PCDHA11: variants seen among roughly 807,000 people sequenced by gnomAD.
PCDHA11 encodes the protein protocadherin alpha-11.
A neutral mutation model predicts 70.3 loss-of-function variants in PCDHA11; 61 were observed. The ratio of observed to expected loss-of-function variants is 0.87; its 90% CI spans 0.71 to 1.07. The LOEUF (loss-of-function observed/expected upper bound fraction) is 1.07. Among genes scored for constraint, PCDHA11 ranks in the 50% least tolerant of loss-of-function variants. The probability of loss-of-function intolerance (pLI) is 0.00; values close to 1 mark genes in which losing one functional copy is unlikely to be tolerated. For synonymous variants in PCDHA11, 633 were observed against 555.1 expected, an observed-to-expected ratio of 1.14 and a Z score of -1.97; for missense variants, 1,324 against 1,237.5, an observed-to-expected ratio of 1.07 and a Z score of -1.05.
intron 1 of PCDHA11, among the ~76,000 whole-genome samples, chr5:140,957,658 G>T (rs2095373813): frequency 6.6e-6 from 1 of 151,932 alleles, no homozygotes; most frequent in Non-Finnish European, 1.5e-5. Flanking sequence ...TTCAATCATG[G>T]AGTAAAAATT....
chr5:140,884,123 C>A (rs1360744073), intron 1 of PCDHA11: 4 of 1,613,232 alleles, frequency 2.5e-6, no homozygotes, highest in Non-Finnish European at 3.4e-6. Context: ...GGTCGGCGCG[C>A]GCATCCCGTT....
intron 3 of PCDHA11, among the ~76,000 whole-genome samples, chr5:141,007,371 TG>T (rs2098319446): frequency 7.8e-6 from 1 of 128,740 alleles, no homozygotes. Context: ...GGCAACATGA[TG>T]GAACACCATC....
chr5:140,913,167 T>C (rs1232000053), intron 1 of PCDHA11, among the ~76,000 whole-genome samples: 1 of 152,196 alleles, frequency 6.6e-6, no homozygotes, highest in Non-Finnish European at 1.5e-5. Flanking sequence ...TTGGTATTAG[T>C]TCTTCTTTAA....
rs199940622 is a variant in PCDHA11, at chr5:140,870,517, C to T, written c.1414C>T (p.His472Tyr). ...GAAGGAGAACAACCCACCAGGCTGCCACATCTTCACAGTGTCGGCGCGGGA... is the reference window on the plus strand; with the variant it reads ...GAAGGAGAACAACCCACCAGGCTGCTACATCTTCACAGTGTCGGCGCGGGA... ...FVKENNPPGCHIFTVSARDAD... is the reference protein window; with the variant it reads ...FVKENNPPGCYIFTVSARDAD... The change falls in exon 1 of 4, where the codon CAC becomes TAC. Residue 472 changes from histidine to tyrosine, a missense_variant. By Grantham distance (83) the His-to-Tyr change is moderately conservative (BLOSUM62 2). Coordinates refer to ENST00000398640, the MANE Select transcript of PCDHA11 (RefSeq NM_018902.5). The T allele has an allele frequency of 6.8e-6, 11 of 1,614,224 alleles. No homozygotes were observed. Among genetic ancestry groups the T allele is most frequent in the Non-Finnish European group, 9.3e-6 (11 of 1,180,048 alleles).
At position 141,011,517 on chromosome 5, in the gene PCDHA11, T is replaced by C. The variant is rs1397450262; in HGVS notation, c.*1580T>C. 2.6e-5 allele frequency: 4 copies of C among 153,768 alleles called. No individual in the cohort carries two copies. The highest frequency in any genetic ancestry group is 5.9e-5 in the Non-Finnish European group (4 of 68,028). The allele number at this position is 153,768 out of a possible 1,614,324, so 9.5% of individuals were successfully genotyped here. On this transcript the variant is annotated 3_prime_UTR_variant, in exon 4 of 4. Transcript: ENST00000398640. Reference sequence around the variant, plus strand: ...ACCTGTGAAAAAGTGGAGTAGTGTTTTTTTAACCATTGTTAATCAGCTTTT... The same window carrying C: ...ACCTGTGAAAAAGTGGAGTAGTGTTCTTTTAACCATTGTTAATCAGCTTTT...
intron 1 of PCDHA11, chr5:140,877,837 G>A (rs1313925880): frequency 6.3e-7 from 1 of 1,585,240 alleles, no homozygotes; most frequent in African/African-American, 1.4e-5. Context: ...TCCTCCCAGT[G>A]AAGTAAGTTA....
intron 1 of PCDHA11, among the ~76,000 whole-genome samples, chr5:140,971,090 T>G (rs1554233007): frequency 1.3e-5 from 2 of 152,204 alleles, no homozygotes. Context: ...TAACAAATTC[T>G]TGTGAAGCCC....
At chr5:140,954,396 C>T (rs894225724) in intron 1 of PCDHA11, among the ~76,000 whole-genome samples, 3 of 152,176 alleles carry the variant, frequency 2.0e-5, no homozygotes, top group Admixed American at 1.3e-4. Context: ...TTTACAACCC[C>T]ACCAACAGGG....
Position 140,870,766 on chromosome 5 carries a change from C to G in PCDHA11, c.1663C>G (p.Leu555Val). ...CAACGTGACGCTGCAGGTGTTCGTG[C>G]TGGACGAGAACGACAACGCGCCGGC... is the stretch of plus-strand genomic sequence containing the variant. ...SSNVTLQVFV[L>V]DENDNAPALL... Residue 555 changes from leucine to valine, a missense_variant, in exon 1 of 4, where the codon CTG becomes GTG. By Grantham distance (32) the Leu-to-Val change is conservative. Coordinates refer to ENST00000398640, the MANE Select transcript of PCDHA11 (RefSeq NM_018902.5). 1.9e-6 allele frequency: 3 copies of G among 1,613,562 alleles called. No individual in the cohort carries two copies. Among genetic ancestry groups the G allele is most frequent in the South Asian group, 1.1e-5 (1 of 91,080 alleles).
intron 1 of PCDHA11, among the ~76,000 whole-genome samples, chr5:140,921,929 A>C (rs2080500807): frequency 6.6e-6 from 1 of 152,126 alleles, no homozygotes; most frequent in African/African-American, 2.4e-5. Flanking sequence ...CTTATAGTCA[A>C]TATAATTTTA....
chr5:140,916,956 C>T (rs1554197714), intron 1 of PCDHA11, among the ~76,000 whole-genome samples: 1 of 152,220 alleles, frequency 6.6e-6, no homozygotes, highest in Non-Finnish European at 1.5e-5. Flanking sequence ...TTGCTGAGTT[C>T]TGACTGCTGG....
rs566522528 is a variant in PCDHA11, at chr5:140,881,283, A to C, written c.2391+9789A>C. On this transcript the variant is annotated intron_variant, in intron 1 of 3. Coordinates refer to ENST00000398640, the MANE Select transcript of PCDHA11 (RefSeq NM_018902.5). ...TCAGTGATGATGAAGTAAGATGGAG[A>C]GAGAAAATGGAAACTTTAACCTCCT... 1.3e-5 allele frequency: 10 copies of C among 799,388 alleles called. No homozygotes were observed. The African/African-American group carries it at 1.9e-4, about 15-fold the overall frequency. The allele number at this position is 799,388 out of a possible 1,614,324, so 49.5% of individuals were successfully genotyped here.
intron 3 of PCDHA11, among the ~76,000 whole-genome samples, chr5:140,987,224 A>AT (rs34154612): frequency 0.031 from 4,713 of 152,034 alleles, 257 homozygotes; most frequent in African/African-American, 0.11. Context: ...AAAAAAAAAA[A>AT]AAATAATAAA....
intron 1 of PCDHA11, among the ~76,000 whole-genome samples, chr5:140,921,683 C>T (rs1554200360): frequency 6.6e-6 from 1 of 152,154 alleles, no homozygotes; most frequent in East Asian, 1.9e-4. Flanking sequence ...TCATCAAACA[C>T]TGGCCACCTC....
intron 1 of PCDHA11, among the ~76,000 whole-genome samples, chr5:140,943,312 A>G (rs1229555554): frequency 1.3e-5 from 2 of 150,890 alleles, no homozygotes; most frequent in African/African-American, 2.4e-5. Context: ...AGTCATTATT[A>G]GCAATATTGT....
chr5:140,975,983 T>A (rs975014640), intron 1 of PCDHA11, among the ~76,000 whole-genome samples: 31 of 152,290 alleles, frequency 2.0e-4, no homozygotes, highest in Admixed American at 2.0e-3. Flanking sequence ...AGCATAGTCC[T>A]GGGAGGTACC....
intron 1 of PCDHA11, among the ~76,000 whole-genome samples, chr5:140,900,475 C>G (rs2153470131): frequency 6.6e-6 from 1 of 152,298 alleles, no homozygotes; most frequent in East Asian, 1.9e-4. Flanking sequence ...CGGAGTTTCT[C>G]CATGTTGGTC....
intron 1 of PCDHA11, among the ~76,000 whole-genome samples, chr5:140,934,564 A>T (rs2089922231): frequency 6.6e-6 from 1 of 152,076 alleles, no homozygotes; most frequent in African/African-American, 2.4e-5. Flanking sequence ...TCTTTTTTTT[A>T]ATTAATTGTA....
chr5:140,884,371 C>T, intron 1 of PCDHA11: 2 of 1,613,948 alleles, frequency 1.2e-6, no homozygotes, highest in Non-Finnish European at 1.7e-6. Flanking sequence ...TTTACTTGAT[C>T]ATTGCCATCT....
Sources: allele counts gnomAD v4.1 joint callset (sites outside exome capture counted in the v4.1 genomes callset), GRCh38; gene constraint gnomAD v4.1.1; transcripts MANE v1.5; gene names NCBI Gene and HGNC (gene_info 2026-07-23, HGNC 2026-07-21).